IFT81: variants seen among roughly 807,000 people sequenced by gnomAD.
The protein encoded by IFT81 is intraflagellar transport protein 81 homolog.
A neutral mutation model predicts 102.6 loss-of-function variants in IFT81; 72 were observed. That is an observed-to-expected ratio of 0.70 (90% CI 0.58 to 0.85). The LOEUF (loss-of-function observed/expected upper bound fraction) is 0.85. Among genes scored for constraint, IFT81 ranks in the 40% least tolerant of loss-of-function variants. The pLI is 0.00. For synonymous variants in IFT81, 237 were observed against 242.7 expected, an observed-to-expected ratio of 0.98 and a Z score of 0.22; for missense variants, 723 against 787.3, an observed-to-expected ratio of 0.92 and a Z score of 0.98.
At chr12:110,136,370 C>A (rs895141753) in intron 7 of IFT81, among the ~76,000 whole-genome samples, 1 of 152,230 alleles carries the variant, frequency 6.6e-6, no homozygotes, top group African/African-American at 2.4e-5. Context: ...AGTAGTTTCA[C>A]TGCAGCAGTA....
intron 17 of IFT81, among the ~76,000 whole-genome samples, chr12:110,208,525 A>G (rs1868986941): frequency 6.6e-6 from 1 of 152,142 alleles, no homozygotes; most frequent in South Asian, 2.1e-4. Flanking sequence ...AAAAAAGATT[A>G]AACTACATAT....
chr12:110,159,768 G>C (rs1896039928), intron 10 of IFT81, among the ~76,000 whole-genome samples: 2 of 152,206 alleles, frequency 1.3e-5, no homozygotes, highest in Admixed American at 6.5e-5. Context: ...TGGAGGACTA[G>C]GTCTTTTCTG....
chr12:110,202,463 T>G lies in IFT81; in HGVS notation c.1558-1401T>G, dbSNP rs1435564900. Among the ~76,000 whole-genome samples the G allele has an allele frequency of 2.0e-5, 3 of 152,020 alleles. No homozygotes were observed. The East Asian group carries it at 5.8e-4, about 29-fold the overall frequency. ...ATTCAAATTGTGATTCCACCTTTTT[T>G]TTTTTTTTGAGATGGAGTCTCACTC... is the stretch of plus-strand genomic sequence containing the variant. On this transcript the variant is annotated intron_variant, in intron 14 of 18. Coordinates refer to ENST00000242591, the MANE Select transcript of IFT81 (RefSeq NM_014055.4).
At chr12:110,132,867 C>A (rs1894254198) in intron 5 of IFT81, among the ~76,000 whole-genome samples, 1 of 151,936 alleles carries the variant, frequency 6.6e-6, no homozygotes, top group Non-Finnish European at 1.5e-5. Context: ...TGATATATGT[C>A]CATCTACTAT....
intron 15 of IFT81, 92 bp downstream of exon 15, chr12:110,204,042 A>G: frequency 1.3e-6 from 1 of 784,002 alleles, no homozygotes; most frequent in Admixed American, 2.2e-5. Context: ...AAGCAGGAGG[A>G]TTGCTTGAGC....
chr12:110,154,276 G>T (rs145495279), intron 10 of IFT81, among the ~76,000 whole-genome samples: 2,299 of 150,302 alleles, frequency 0.015, 28 homozygotes, highest in Middle Eastern at 0.031. Context: ...GCAATGAGCC[G>T]AGATCACGCC....
chr12:110,186,354 C>G (rs1209670282), intron 12 of IFT81, among the ~76,000 whole-genome samples: 1 of 152,028 alleles, frequency 6.6e-6, no homozygotes, highest in African/African-American at 2.4e-5. Flanking sequence ...TATGACTTTT[C>G]TAGGTGTGAT....
intron 12 of IFT81, among the ~76,000 whole-genome samples, chr12:110,189,528 T>C (rs1897695854): frequency 6.6e-6 from 1 of 151,896 alleles, no homozygotes; most frequent in Non-Finnish European, 1.5e-5. Context: ...TTTGTATTTT[T>C]AGTAGAGACA....
At chr12:110,200,671 C>T (rs1232955791) in intron 14 of IFT81, among the ~76,000 whole-genome samples, 2 of 151,794 alleles carry the variant, frequency 1.3e-5, no homozygotes, top group East Asian at 1.9e-4. Flanking sequence ...CTTTCTTGGC[C>T]GGGCACGGTG....
Position 110,192,627 on chromosome 12 carries a change from T to A in IFT81, c.1478T>A (p.Leu493Gln), listed in dbSNP as rs937931475. Residue 493 changes from leucine (L) to glutamine (Q), a missense_variant, in exon 14 of 19, where the codon CTG becomes CAG. Physicochemically the swap from Leu to Gln is moderately radical, Grantham distance 113. Transcript: ENST00000242591. ...LDDMSEMVKK[L>Q]YSLVSEKKSA... Reference sequence around the variant, plus strand: ...TTGTTCAAATAACAGGTGAAAAAACTGTATTCATTGGTATCTGAAAAGAAG... The same window carrying A: ...TTGTTCAAATAACAGGTGAAAAAACAGTATTCATTGGTATCTGAAAAGAAG... 2 of 1,554,814 alleles carry A rather than the reference T, an allele frequency of 1.3e-6. No homozygotes were observed. The highest frequency in any genetic ancestry group is 1.7e-6 in the Non-Finnish European group (2 of 1,147,398).
At chr12:110,216,774 C>T (rs969245229) in intron 18 of IFT81, 2 of 363,720 alleles carry the variant, frequency 5.5e-6, no homozygotes, top group African/African-American at 4.3e-5. Context: ...GATCTGCCCA[C>T]CTATATAGCA....
At chr12:110,174,493 TAAAC>T (rs1005108555) in intron 11 of IFT81, among the ~76,000 whole-genome samples, 1 of 151,702 alleles carries the variant, frequency 6.6e-6, no homozygotes, top group Non-Finnish European at 1.5e-5. Context: ...TTGTGTTTCT[TAAAC>T]AATGTAAAGT....
intron 18 of IFT81, among the ~76,000 whole-genome samples, chr12:110,215,453 CTTTTTTTTTTTTTTTTT>C (rs556887393): frequency 4.8e-5 from 3 of 61,944 alleles, no homozygotes; most frequent in African/African-American, 1.7e-4. Context: ...TCTTCTTCTT[CTTTTTTTTTTTTTTTTT>C]TTTTTTTTTT....
chr12:110,194,429 AT>A (rs202167301), intron 14 of IFT81, among the ~76,000 whole-genome samples: 2,122 of 149,728 alleles, frequency 0.014, 41 homozygotes, highest in African/African-American at 0.039. Flanking sequence ...TGAAATATTC[AT>A]TTTTTTTTTA....
chr12:110,155,309 T>G (rs1387846217), intron 10 of IFT81, among the ~76,000 whole-genome samples: 1 of 152,084 alleles, frequency 6.6e-6, no homozygotes, highest in African/African-American at 2.4e-5. Flanking sequence ...ATCATGTGGT[T>G]TCTTGGGGGG....
At chr12:110,201,327 G>A (rs1301558135) in intron 14 of IFT81, among the ~76,000 whole-genome samples, 2 of 151,838 alleles carry the variant, frequency 1.3e-5, no homozygotes, top group East Asian at 1.9e-4. Flanking sequence ...GCTTGAACCC[G>A]GGAGGCAGAG....
chr12:110,198,327 T>G (rs990066899), intron 14 of IFT81, among the ~76,000 whole-genome samples: 1 of 152,110 alleles, frequency 6.6e-6, no homozygotes, highest in African/African-American at 2.4e-5. Context: ...TTTCATGCTT[T>G]CTTTTATTTT....
In IFT81 at chr12:110,143,490, A is replaced by G; in HGVS notation, c.890A>G (p.Lys297Arg). 1 of 1,550,066 alleles carries G rather than the reference A, an allele frequency of 6.5e-7. No homozygotes were observed. The highest frequency in any genetic ancestry group is 8.6e-7 in the Non-Finnish European group (1 of 1,159,844). The change falls in exon 9 of 19, where the codon AAA (lysine) becomes AGA (arginine). Residue 297 changes from lysine to arginine, a missense_variant. By Grantham distance (26) the Lys-to-Arg change is conservative. Transcript: ENST00000242591. ...AAAAAGGAATTACATTTTTTACAAA[A>G]AGTAGTTTCAGAGCCAGCTATGGGC... ...NKKKELHFLQKVVSEPAMGHS... is the reference protein window; with the variant it reads ...NKKKELHFLQRVVSEPAMGHS...
chr12:110,126,887 C>T (rs1893875784), intron 1 of IFT81, among the ~76,000 whole-genome samples: 2 of 152,150 alleles, frequency 1.3e-5, no homozygotes, highest in Non-Finnish European at 2.9e-5. Context: ...CAAATGTGGG[C>T]CCACGGTTGC....
Sources: allele counts gnomAD v4.1 joint callset (sites outside exome capture counted in the v4.1 genomes callset), GRCh38; gene constraint gnomAD v4.1.1; transcripts MANE v1.5; gene names NCBI Gene and HGNC (gene_info 2026-07-23, HGNC 2026-07-21).